The following PAICS variants were observed in gnomAD, a reference collection of about 807,000 sequenced individuals.
PAICS encodes the protein bifunctional phosphoribosylaminoimidazole carboxylase/phosphoribosylaminoimidazole succinocarboxamide synthetase.
PAICS carries 33 observed loss-of-function variants against 53.7 expected under a neutral mutation model. The ratio of observed to expected loss-of-function variants is 0.61; its 90% CI spans 0.47 to 0.82. PAICS has a LOEUF of 0.82. PAICS is among the 40% of genes least tolerant of loss of function. The probability of loss-of-function intolerance (pLI) is 0.00; values close to 1 mark genes in which losing one functional copy is unlikely to be tolerated. For missense variants in PAICS, 394 were observed against 494.1 expected (o/e 0.80, Z 1.92); for synonymous variants, 141 against 167.2 (o/e 0.84, Z 1.21).
At chr4:56,435,699 A>G, upstream of PAICS, 1 of 1,460,806 alleles carries the variant, frequency 6.8e-7, no homozygotes, top group Non-Finnish European at 9.1e-7. Flanking sequence ...GCGAGGGCGG[A>G]GGGGCGGTCC....
intron 5 of PAICS, among the ~76,000 whole-genome samples, chr4:56,449,988 AG>A (rs1219266269): frequency 6.6e-6 from 1 of 151,512 alleles, no homozygotes; most frequent in African/African-American, 2.4e-5. Flanking sequence ...AAAAAAAAAA[AG>A]AAAGAAAAAG....
rs529937958 is a variant in PAICS at position 56,446,303 on chromosome 4, C to T, written c.215-392C>T. ...TTAAACAATAACTATTCCTCCCACT[C>T]CTCAGCCCTTGGTAACTTCCATTCT... On this transcript the variant is annotated intron_variant, in intron 2 of 8. Coordinates refer to ENST00000512576, the MANE Select transcript of PAICS (RefSeq NM_001079524.2). 16 of 714,628 alleles carry T rather than the reference C, an allele frequency of 2.2e-5. No individual in the cohort carries two copies. The African/African-American group carries it at 2.6e-4, about 12-fold the overall frequency. The allele number at this position is 714,628 out of a possible 1,614,324, so 44.3% of individuals were successfully genotyped here. A position where few individuals can be genotyped will look rare whatever the true frequency, so the allele number is the denominator to read the frequency against.
At chr4:56,458,967 A>G (rs1328969930) in intron 8 of PAICS, among the ~76,000 whole-genome samples, 3 of 152,244 alleles carry the variant, frequency 2.0e-5, no homozygotes, top group Non-Finnish European at 4.4e-5. Flanking sequence ...GAAAACTGTC[A>G]AAACAACATA....
At chr4:56,417,621 A>G in the PAICS span, among the ~76,000 whole-genome samples, 1 of 152,066 alleles carries the variant, frequency 6.6e-6, no homozygotes, top group African/African-American at 2.4e-5. Context: ...TGCCTAAAAA[A>G]ATTATTAAAA....
At chr4:56,448,188 T>C (rs1171049178) in intron 3 of PAICS, among the ~76,000 whole-genome samples, 3 of 146,588 alleles carry the variant, frequency 2.0e-5, no homozygotes, top group Admixed American at 6.8e-5. Context: ...TTTGTAATTT[T>C]AGTAGACAGG....
At chr4:56,422,357 C>T in the PAICS span, 1 of 152,054 alleles carries the variant, frequency 6.6e-6, no homozygotes, top group Non-Finnish European at 1.5e-5. Flanking sequence ...TATGTTCATA[C>T]AGTCATTGCT....
At chr4:56,439,055 G>T (rs534348712) in intron 1 of PAICS, among the ~76,000 whole-genome samples, 8 of 152,052 alleles carry the variant, frequency 5.3e-5, no homozygotes, top group Non-Finnish European at 7.3e-5. Flanking sequence ...GGTATGTCAC[G>T]TATGGTTGTT....
intron 8 of PAICS, among the ~76,000 whole-genome samples, chr4:56,458,628 T>C (rs1170368957): frequency 6.6e-6 from 1 of 152,216 alleles, no homozygotes; most frequent in Non-Finnish European, 1.5e-5. Context: ...GCCTTGTGAT[T>C]TGTATTTGAC....
At chr4:56,446,913 A>C (rs1718649945) in intron 3 of PAICS, 40 bp downstream of exon 3, 1 of 1,212,286 alleles carries the variant, frequency 8.2e-7, no homozygotes, top group Non-Finnish European at 1.1e-6. Flanking sequence ...TTACTGTAAC[A>C]CGGCAATAAA....
At chr4:56,428,968 AG>A in the PAICS span, 1 of 979,188 alleles carries the variant, frequency 1.0e-6, no homozygotes, top group Non-Finnish European at 1.2e-6. Context: ...ACAAAAGCCA[AG>A]GAACTTTGAG....
At chr4:56,417,906 T>C in the PAICS span, among the ~76,000 whole-genome samples, 114 of 149,726 alleles carry the variant, frequency 7.6e-4, no homozygotes, top group African/African-American at 2.8e-3. Flanking sequence ...AGTGGTGCAA[T>C]CTCGGCTCAC....
At chr4:56,457,120 C>T (rs1719252177) in intron 8 of PAICS, among the ~76,000 whole-genome samples, 1 of 152,164 alleles carries the variant, frequency 6.6e-6, no homozygotes, top group Admixed American at 6.5e-5. Flanking sequence ...AGACTGAAGT[C>T]TGTTTTACCT....
At chr4:56,451,808 ACT>A (rs1270177848) in intron 6 of PAICS, 62 bp from the exon 7 acceptor site, 9 of 1,000,648 alleles carry the variant, frequency 9.0e-6, no homozygotes, top group Middle Eastern at 6.8e-4. Context: ...TTTACTACAA[ACT>A]CTAGCTCATT....
chr4:56,435,979 T>G (rs540976298), upstream of PAICS: 1 of 1,524,242 alleles, frequency 6.6e-7, no homozygotes, highest in African/African-American at 1.4e-5. Flanking sequence ...GGCCGGGGTA[T>G]GCGAGCTTCC....
the PAICS span, among the ~76,000 whole-genome samples, chr4:56,417,316 TCAAAG>T: frequency 6.6e-6 from 1 of 151,260 alleles, no homozygotes; most frequent in African/African-American, 2.4e-5. Context: ...GAAAAGCATT[TCAAAG>T]CAAAGACATT....
intron 1 of PAICS, among the ~76,000 whole-genome samples, chr4:56,438,371 T>TTTTATATATATATA (rs869127756): frequency 8.8e-6 from 1 of 113,674 alleles, no homozygotes; most frequent in East Asian, 2.3e-4. Context: ...TGCAATGTGT[T>TTTTATATATATATA]TATATATATA....
At chr4:56,415,765 T>C in the PAICS span, among the ~76,000 whole-genome samples, 1 of 152,212 alleles carries the variant, frequency 6.6e-6, no homozygotes, top group South Asian at 2.1e-4. Flanking sequence ...GATACAATTA[T>C]AAATAAAACA....
In PAICS at chr4:56,453,598, C is replaced by G. The variant is rs762822699; in HGVS notation, c.953-5C>G. The G allele has an allele frequency of 6.3e-7, 1 of 1,582,652 alleles. No homozygotes were observed. Among genetic ancestry groups the G allele is most frequent in the East Asian group, 2.3e-5 (1 of 44,440 alleles). ...AGCATAATTATACTCTTGTCATTTC[C>G]CTAGGGGATGGCATTCCTACTGTAT... On this transcript the variant is annotated splice_polypyrimidine_tract_variant and splice_region_variant and intron_variant, in intron 7 of 8. Transcript: ENST00000512576.
At chr4:56,435,842 G>A (rs746551824), upstream of PAICS, 1 of 1,496,904 alleles carries the variant, frequency 6.7e-7, no homozygotes. Flanking sequence ...CGTAATGGGA[G>A]TAACGGACTT....
Sources: allele counts gnomAD v4.1 joint callset (sites outside exome capture counted in the v4.1 genomes callset), GRCh38; gene constraint gnomAD v4.1.1; transcripts MANE v1.5; gene names NCBI Gene and HGNC (gene_info 2026-07-23, HGNC 2026-07-21).